CHRM5: variants seen among roughly 807,000 people sequenced by gnomAD.
CHRM5 encodes cholinergic receptor muscarinic 5, also known as muscarinic acetylcholine receptor M5.
In CHRM5, 18 loss-of-function variants were observed where a neutral mutation model predicts 39.0. The observed-to-expected ratio is 0.46, with a 90% CI of 0.32 to 0.68. The LOEUF (loss-of-function observed/expected upper bound fraction) is 0.68, where lower values mean the gene tolerates loss of function less well. CHRM5 is among the 30% of genes least tolerant of loss of function. CHRM5 has a pLI of 0.04. For missense variants in CHRM5, 515 were observed against 651.1 expected, an observed-to-expected ratio of 0.79 and a Z score of 2.28; for synonymous variants, 241 against 246.3, an observed-to-expected ratio of 0.98 and a Z score of 0.20.
intron 1 of CHRM5, among the ~76,000 whole-genome samples, chr15:34,033,848 C>T (rs530307818): frequency 3.2e-4 from 48 of 152,212 alleles, no homozygotes; most frequent in Non-Finnish European, 6.2e-4. Context: ...AGAGCAGTGG[C>T]GCAATTTCGG....
intron 1 of CHRM5, among the ~76,000 whole-genome samples, chr15:34,006,232 ATCCAGGAGGCGGAGTTTGCAGTGAG>A (rs1452550718): frequency 6.6e-6 from 1 of 152,002 alleles, no homozygotes; most frequent in Non-Finnish European, 1.5e-5. Context: ...AATGGCGTGA[ATCCAGGAGGCGGAGTTTGCAGTGAG>A]TCAAGATCAC....
At chr15:34,047,700 C>A (rs147866036) in intron 2 of CHRM5, among the ~76,000 whole-genome samples, 1 of 152,200 alleles carries the variant, frequency 6.6e-6, no homozygotes, top group Non-Finnish European at 1.5e-5. Context: ...TCCCTCCCAA[C>A]GCAAGCACAG....
chr15:34,060,320 G>A (rs1567492937), intron 2 of CHRM5, among the ~76,000 whole-genome samples: 1 of 152,186 alleles, frequency 6.6e-6, no homozygotes, highest in Non-Finnish European at 1.5e-5. Context: ...GAAGAAGCAT[G>A]CAAGATTGGG....
chr15:34,009,355 C>T (rs1897534766), intron 1 of CHRM5, among the ~76,000 whole-genome samples: 1 of 152,124 alleles, frequency 6.6e-6, no homozygotes, highest in Admixed American at 6.5e-5. Context: ...AATTATGTAA[C>T]TATAAAATAT....
intron 1 of CHRM5, among the ~76,000 whole-genome samples, chr15:34,015,972 T>C (rs1897886294): frequency 6.6e-6 from 1 of 152,160 alleles, no homozygotes; most frequent in Non-Finnish European, 1.5e-5. Flanking sequence ...CAGTAACCAT[T>C]ATGTGACATA....
chr15:34,044,779 G>A (rs1035733446), intron 1 of CHRM5, among the ~76,000 whole-genome samples: 12 of 152,142 alleles, frequency 7.9e-5, no homozygotes, highest in Non-Finnish European at 1.5e-4. Context: ...GGCTGGGCGC[G>A]GTGGCTCATG....
intron 1 of CHRM5, among the ~76,000 whole-genome samples, chr15:34,031,133 C>T (rs1340049672): frequency 2.0e-5 from 3 of 147,374 alleles, no homozygotes; most frequent in Non-Finnish European, 4.5e-5. Context: ...TTTTTTGTAA[C>T]AGCCTATTAT....
In CHRM5 at chr15:34,047,615, A is replaced by AT. The variant is rs1403373561; in HGVS notation, c.-76+744_-76+745insT. 2.4e-3 allele frequency among the ~76,000 whole-genome samples: 371 copies of AT among 152,266 alleles called. 1 individual carries two copies. Among genetic ancestry groups the AT allele is most frequent in the Admixed American group, 4.4e-3 (68 of 15,288 alleles). On this transcript the variant is annotated intron_variant, in intron 2 of 2. Transcript: ENST00000383263. ...AGCTCCCAGCGGGAGGATGACTGTTACCTCTGTGGTTCAGTTGACTCAGCC... is the reference window on the plus strand; with the variant it reads ...AGCTCCCAGCGGGAGGATGACTGTTATCCTCTGTGGTTCAGTTGACTCAGCC...
chr15:34,037,494 T>C (rs1899200316), intron 1 of CHRM5, among the ~76,000 whole-genome samples: 1 of 149,666 alleles, frequency 6.7e-6, no homozygotes, highest in South Asian at 2.1e-4. Context: ...ATATATAACA[T>C]TGTAGTTAAT....
chr15:34,050,938 T>A (rs918958883), intron 2 of CHRM5, among the ~76,000 whole-genome samples: 1 of 152,150 alleles, frequency 6.6e-6, no homozygotes, highest in African/African-American at 2.4e-5. Context: ...ATTAGACAGA[T>A]CACTGAGAGA....
At chr15:33,985,788 AGT>A in intron 1 of CHRM5, among the ~76,000 whole-genome samples, 1 of 152,166 alleles carries the variant, frequency 6.6e-6, no homozygotes. Flanking sequence ...CCATGTACGC[AGT>A]CACTTAATCT....
At chr15:33,980,000 A>C (rs1343201439) in intron 1 of CHRM5, among the ~76,000 whole-genome samples, 1 of 152,198 alleles carries the variant, frequency 6.6e-6, no homozygotes, top group Non-Finnish European at 1.5e-5. Flanking sequence ...TAATCAGCTC[A>C]CTTTTTCACT....
intron 1 of CHRM5, among the ~76,000 whole-genome samples, chr15:33,978,641 T>G (rs936696567): frequency 1.3e-5 from 2 of 151,978 alleles, no homozygotes; most frequent in Non-Finnish European, 2.9e-5. Context: ...CCAGCCTGGG[T>G]GACAGAGTGA....
intron 1 of CHRM5, among the ~76,000 whole-genome samples, chr15:34,031,127 T>C (rs1204529361): frequency 6.8e-6 from 1 of 147,520 alleles, no homozygotes; most frequent in African/African-American, 2.6e-5. Context: ...GAGTTTTTTT[T>C]TGTAACAGCC....
intron 1 of CHRM5, among the ~76,000 whole-genome samples, chr15:33,993,381 G>A (rs1376028190): frequency 6.6e-6 from 1 of 152,084 alleles, no homozygotes; most frequent in African/African-American, 2.4e-5. Flanking sequence ...GTATGACTTT[G>A]AACAACCGTC....
chr15:34,041,734 C>A (rs189913329), intron 1 of CHRM5, among the ~76,000 whole-genome samples: 10 of 152,300 alleles, frequency 6.6e-5, no homozygotes, highest in Admixed American at 5.9e-4. Flanking sequence ...CTCATTAAAT[C>A]TTCAAAATAT....
At chr15:34,039,835 TA>T (rs913522919) in intron 1 of CHRM5, among the ~76,000 whole-genome samples, 2 of 152,032 alleles carry the variant, frequency 1.3e-5, no homozygotes, top group African/African-American at 4.8e-5. Flanking sequence ...TTGGAAAGGT[TA>T]AAAAAAACTT....
At chr15:34,043,539 C>T (rs893241342) in intron 1 of CHRM5, among the ~76,000 whole-genome samples, 1 of 152,126 alleles carries the variant, frequency 6.6e-6, no homozygotes, top group Non-Finnish European at 1.5e-5. Flanking sequence ...AGGGTGCTCA[C>T]CAGCTACAGG....
intron 1 of CHRM5, among the ~76,000 whole-genome samples, chr15:33,984,740 A>G (rs1051249471): frequency 6.6e-6 from 1 of 152,118 alleles, no homozygotes; most frequent in Non-Finnish European, 1.5e-5. Flanking sequence ...CTTTTCATTG[A>G]AGAACAAACA....
Sources: gnomAD v4.1 joint callset for allele counts (sites outside exome capture counted in the v4.1 genomes callset) on GRCh38, gnomAD v4.1.1 for gene constraint, MANE v1.5 for transcripts, NCBI Gene and HGNC (gene_info 2026-07-23, HGNC 2026-07-21) for gene names.